The following SIMC1 variants were observed in gnomAD, a reference collection of about 807,000 sequenced individuals.
SIMC1 encodes SUMO interacting motifs containing 1.
A neutral mutation model predicts 82.3 loss-of-function variants in SIMC1; 55 were observed. The ratio of observed to expected loss-of-function variants is 0.67; its 90% CI spans 0.54 to 0.84. The LOEUF (loss-of-function observed/expected upper bound fraction) is 0.84. SIMC1 is among the 40% of genes least tolerant of loss of function. The pLI is 0.00. For missense variants in SIMC1, 915 were observed against 1,107.2 expected (o/e 0.83, Z 2.46); for synonymous variants, 353 against 426.3 (o/e 0.83, Z 2.12).
At chr5:176,297,502 C>CA (rs896827211) in intron 4 of SIMC1, among the ~76,000 whole-genome samples, 1,428 of 35,124 alleles carry the variant, frequency 0.041, 30 homozygotes, top group East Asian at 0.053. Context: ...AACTCTGTCT[C>CA]AAAAAAAAAA....
chr5:176,338,524 T>C (rs373274234), intron 9 of SIMC1, among the ~76,000 whole-genome samples: 2 of 152,124 alleles, frequency 1.3e-5, no homozygotes, highest in South Asian at 2.1e-4. Flanking sequence ...CATTATTGTG[T>C]CCATATTAAA....
rs541629013 is a variant in SIMC1 at position 176,286,367 on chromosome 5, A to G, written c.130-3287A>G. On this transcript the variant is annotated intron_variant, in intron 1 of 9. Coordinates refer to ENST00000429602, the MANE Select transcript of SIMC1 (RefSeq NM_001308195.2). ...AACCATCTGATCTTTGACAAACCTG[A>G]CAAAAACAAGCAATGGGGAAAGGAT... 7.9e-5 allele frequency among the ~76,000 whole-genome samples: 12 copies of G among 152,400 alleles called. No individual in the cohort carries two copies. In the East Asian group the frequency reaches 2.3e-3, roughly 29 times the overall value.
chr5:176,250,864 T>A (rs945925689), intron 1 of SIMC1, among the ~76,000 whole-genome samples: 3 of 152,122 alleles, frequency 2.0e-5, no homozygotes, highest in African/African-American at 7.2e-5. Context: ...GTCTTTGCAT[T>A]AGATGGGTCT....
At chr5:176,329,223 G>A (rs1223492393) in intron 7 of SIMC1, among the ~76,000 whole-genome samples, 2 of 152,180 alleles carry the variant, frequency 1.3e-5, no homozygotes, top group African/African-American at 2.4e-5. Context: ...TGTAATCCCA[G>A]CACTTTGGGA....
intron 1 of SIMC1, among the ~76,000 whole-genome samples, chr5:176,287,308 G>T (rs1763333247): frequency 6.6e-6 from 1 of 152,194 alleles, no homozygotes; most frequent in South Asian, 2.1e-4. Flanking sequence ...CATAAAAAAT[G>T]ATGAGTTCAT....
At chr5:176,341,371 C>T (rs956347969) in intron 9 of SIMC1, among the ~76,000 whole-genome samples, 4 of 152,190 alleles carry the variant, frequency 2.6e-5, no homozygotes, top group Admixed American at 6.5e-5. Flanking sequence ...TTGTGAAGGG[C>T]CATCTTGGCC....
intron 1 of SIMC1, among the ~76,000 whole-genome samples, chr5:176,286,082 T>C (rs1237474339): frequency 1.3e-5 from 2 of 152,276 alleles, no homozygotes; most frequent in Admixed American, 6.5e-5. Context: ...ATAGATTCAA[T>C]GCCATCTCCA....
chr5:176,311,258 C>T (rs1241859979), intron 4 of SIMC1, among the ~76,000 whole-genome samples: 1 of 152,026 alleles, frequency 6.6e-6, no homozygotes, highest in Non-Finnish European at 1.5e-5. Context: ...ATTTTTGAGA[C>T]AGGGTCTCTT....
chr5:176,345,089 G>T (rs1489232686), intron 9 of SIMC1, 94 bp from the exon 10 acceptor site: 1 of 1,497,746 alleles, frequency 6.7e-7, no homozygotes, highest in East Asian at 2.3e-5. Flanking sequence ...TAGTCAGCAA[G>T]TCTTTGCCAA....
intron 1 of SIMC1, among the ~76,000 whole-genome samples, chr5:176,282,775 A>G (rs909509759): frequency 6.6e-6 from 1 of 152,254 alleles, no homozygotes; most frequent in Non-Finnish European, 1.5e-5. Context: ...AAAAACCTTG[A>G]GAAAAGATTA....
intron 4 of SIMC1, among the ~76,000 whole-genome samples, chr5:176,301,372 C>G (rs1324057180): frequency 6.6e-6 from 1 of 152,178 alleles, no homozygotes. Context: ...TGAGGCCTCC[C>G]CAGCCATGTG....
chr5:176,313,991 G>A (rs1764790532), intron 5 of SIMC1, 146 bp downstream of exon 5: 3 of 1,052,832 alleles, frequency 2.8e-6, no homozygotes, highest in Non-Finnish European at 4.0e-6. Context: ...GATAGACCAG[G>A]TGCAGTGATT....
intron 1 of SIMC1, among the ~76,000 whole-genome samples, chr5:176,274,500 T>G (rs1014361527): frequency 1.3e-4 from 20 of 151,942 alleles, no homozygotes; most frequent in African/African-American, 4.8e-4. Flanking sequence ...GCAGAAGCTC[T>G]TTAGTTTAAT....
intron 1 of SIMC1, among the ~76,000 whole-genome samples, chr5:176,242,252 T>C (rs1198216304): frequency 1.3e-5 from 2 of 151,988 alleles, no homozygotes; most frequent in African/African-American, 4.8e-5. Flanking sequence ...TTTTATGCAG[T>C]TGTGATACAA....
chr5:176,338,526 CATATTAAATTCCCTATTTTTG>C (rs1237268802), intron 9 of SIMC1, among the ~76,000 whole-genome samples: 1 of 152,042 alleles, frequency 6.6e-6, no homozygotes, highest in African/African-American at 2.4e-5. Flanking sequence ...TTATTGTGTC[CATATTAAATTCCCTATTTTTG>C]ATAATCATAC....
intron 6 of SIMC1, among the ~76,000 whole-genome samples, chr5:176,323,501 T>C (rs767004018): frequency 6.6e-6 from 1 of 152,338 alleles, no homozygotes; most frequent in East Asian, 1.9e-4. Flanking sequence ...CTCACAACTT[T>C]ACAAAATAGA....
intron 1 of SIMC1, among the ~76,000 whole-genome samples, chr5:176,254,980 T>A (rs1761800632): frequency 2.0e-5 from 3 of 151,792 alleles, no homozygotes. Flanking sequence ...AACAAAATAT[T>A]TAAATAAAGA....
At chr5:176,304,949 GCAACCACCCCGTCTGA>G (rs1581279983) in intron 4 of SIMC1, among the ~76,000 whole-genome samples, 106 of 93,404 alleles carry the variant, frequency 1.1e-3, no homozygotes, top group Middle Eastern at 0.02. Context: ...CCTCTGCCTG[GCAACCACCCCGTCTGA>G]GAAGTGAGGA....
intron 1 of SIMC1, among the ~76,000 whole-genome samples, chr5:176,286,856 C>T (rs1489177545): frequency 1.3e-5 from 2 of 152,208 alleles, no homozygotes; most frequent in African/African-American, 4.8e-5. Flanking sequence ...GACATTTATG[C>T]AGCCAACAGA....
Sources: allele counts gnomAD v4.1 joint callset (sites outside exome capture counted in the v4.1 genomes callset), GRCh38; gene constraint gnomAD v4.1.1; transcripts MANE v1.5; gene names NCBI Gene and HGNC (gene_info 2026-07-23, HGNC 2026-07-21).